Variants in ARPC2 observed in about 807,000 individuals in gnomAD.
The protein encoded by ARPC2 is actin-related protein 2/3 complex subunit 2.
Under a neutral mutation model 38.6 loss-of-function variants are expected in ARPC2, and 4 were observed. The observed-to-expected ratio is 0.10, with a 90% CI of 0.05 to 0.24. The LOEUF is 0.24. ARPC2 is among the 10% of genes least tolerant of loss of function. ARPC2 has a pLI of 1.00. For synonymous variants in ARPC2, 125 were observed against 140.8 expected (o/e 0.89, Z 0.79); for missense variants, 229 against 387.3 (o/e 0.59, Z 3.43).
chr2:218,238,925 C>G, intron 6 of ARPC2, 75 bp downstream of exon 6: 2 of 1,193,122 alleles, frequency 1.7e-6, no homozygotes, highest in Non-Finnish European at 2.4e-6. Context: ...AGAAATATGG[C>G]TTGGTCAAAC....
chr2:218,225,257 TC>T (rs1302762135), intron 2 of ARPC2, among the ~76,000 whole-genome samples: 1 of 152,232 alleles, frequency 6.6e-6, no homozygotes, highest in Non-Finnish European at 1.5e-5. Context: ...TCCTGACTAT[TC>T]TTAGTGATTT....
At chr2:218,226,730 A>C (rs1351102128) in intron 3 of ARPC2, among the ~76,000 whole-genome samples, 1 of 151,424 alleles carries the variant, frequency 6.6e-6, no homozygotes, top group Non-Finnish European at 1.5e-5. Context: ...TATTTAATCC[A>C]CTGATGACTG....
chr2:218,230,368 GC>G (rs1689606857), intron 4 of ARPC2, among the ~76,000 whole-genome samples: 1 of 121,374 alleles, frequency 8.2e-6, no homozygotes, highest in Non-Finnish European at 1.6e-5. Context: ...CACAGCCACT[GC>G]ACCCCTCAAC....
intron 10 of ARPC2, among the ~76,000 whole-genome samples, chr2:218,251,973 C>G (rs1276960530): frequency 6.6e-6 from 1 of 152,178 alleles, no homozygotes; most frequent in Non-Finnish European, 1.5e-5. Flanking sequence ...GTAATCCCAG[C>G]ACTTTGGGAG....
At position 218,219,308 on chromosome 2, in the gene ARPC2, G is replaced by A. The variant is rs377665128; in HGVS notation, c.74+1764G>A. The stretch of plus-strand genomic sequence containing the variant: ...AAAAAGAGAAGCTAACCATTTCGGA[G>A]GGATTAAATAGGCCCTCAAGTCTGG... On this transcript the variant is annotated intron_variant, in intron 2 of 10. Transcript: ENST00000315717. 5.9e-5 allele frequency among the ~76,000 whole-genome samples: 9 copies of A among 151,696 alleles called. No homozygotes were observed. In the East Asian group the frequency reaches 1.4e-3, roughly 23 times the overall value.
intron 4 of ARPC2, among the ~76,000 whole-genome samples, chr2:218,230,786 G>A (rs1689616739): frequency 6.6e-6 from 1 of 152,124 alleles, no homozygotes; most frequent in Admixed American, 6.5e-5. Flanking sequence ...AGGGGTTCAA[G>A]TGGGGAGAGT....
At position 218,253,911 on chromosome 2, in the gene ARPC2, G is replaced by A. The variant is rs1803064; in HGVS notation, c.899G>A (p.Arg300His). Reference sequence around the variant, plus strand: ...TGAAGGGGGAAGACGTTTTCATCCCGCTAATCTTGGGAATAAGAGGAGGAA... The same window carrying A: ...TGAAGGGGGAAGACGTTTTCATCCCACTAATCTTGGGAATAAGAGGAGGAA... ...KTITGKTFSS[R>H] Residue 300 changes from arginine (R) to histidine (H), a missense_variant, in exon 11 of 11, where the codon CGC (arginine) becomes CAC (histidine). Physicochemically the swap from Arg to His is conservative, Grantham distance 29. Coordinates refer to ENST00000315717, the MANE Select transcript of ARPC2 (RefSeq NM_152862.3). 3.1e-6 allele frequency: 5 copies of A among 1,613,856 alleles called. No homozygotes were observed. Among genetic ancestry groups the A allele is most frequent in the Admixed American group, 1.7e-5 (1 of 59,956 alleles).
chr2:218,247,132 A>G (rs775136349), intron 8 of ARPC2, among the ~76,000 whole-genome samples: 25 of 152,156 alleles, frequency 1.6e-4, no homozygotes, highest in Non-Finnish European at 2.8e-4. Flanking sequence ...CTCACCAAAA[A>G]AAGGAGTTAA....
chr2:218,219,325 C>T (rs979406879), intron 2 of ARPC2, among the ~76,000 whole-genome samples: 22 of 151,246 alleles, frequency 1.5e-4, no homozygotes, highest in African/African-American at 5.3e-4. Flanking sequence ...AATAGGCCCT[C>T]AAGTCTGGAA....
chr2:218,238,258 G>A (rs988340074), intron 5 of ARPC2, among the ~76,000 whole-genome samples: 13 of 152,162 alleles, frequency 8.5e-5, no homozygotes, highest in African/African-American at 2.9e-4. Context: ...AACTATCAGA[G>A]AAATATATGT....
intron 8 of ARPC2, among the ~76,000 whole-genome samples, chr2:218,248,376 G>A (rs1261289600): frequency 1.3e-5 from 2 of 152,226 alleles, no homozygotes; most frequent in Admixed American, 6.5e-5. Context: ...GTGAGTAGAG[G>A]AGGTGCAGCA....
intron 8 of ARPC2, 130 bp downstream of exon 8, chr2:218,245,676 G>A: frequency 2.4e-6 from 3 of 1,257,714 alleles, no homozygotes; most frequent in East Asian, 2.4e-5. Flanking sequence ...TGTTCCTGTT[G>A]CCATTGCAGT....
At chr2:218,249,631 C>G (rs1404238997) in intron 9 of ARPC2, 167 bp downstream of exon 9, 2 of 733,988 alleles carry the variant, frequency 2.7e-6, no homozygotes, top group African/African-American at 1.8e-5. Context: ...GCCACTGTCC[C>G]CCATCCCTCC....
chr2:218,234,185 G>T lies in ARPC2; in HGVS notation c.223-167G>T, dbSNP rs1447508438. 7.4e-6 allele frequency: 4 copies of T among 543,384 alleles called. No homozygotes were observed. The East Asian group carries it at 1.3e-4, about 17-fold the overall frequency. 33.7% of individuals were successfully genotyped at this position (543,384 alleles called of 1,614,324 possible). A position where few individuals can be genotyped will look rare whatever the true frequency, so the allele number is the denominator to read the frequency against. ...TCATCTCAGTTTTGTGACTTGTTTGGTGACTAAATCCACTTCCCCTCTGTC... is the reference window on the plus strand; with the variant it reads ...TCATCTCAGTTTTGTGACTTGTTTGTTGACTAAATCCACTTCCCCTCTGTC... On this transcript the variant is annotated intron_variant, in intron 4 of 10. Coordinates refer to ENST00000315717, the MANE Select transcript of ARPC2 (RefSeq NM_152862.3).
At chr2:218,220,123 A>C (rs1689350593) in intron 2 of ARPC2, among the ~76,000 whole-genome samples, 2 of 152,264 alleles carry the variant, frequency 1.3e-5, no homozygotes, top group African/African-American at 4.8e-5. Context: ...TAAGGGGTGA[A>C]AGGTGTTGGG....
chr2:218,238,438 T>G (rs1689825503), intron 5 of ARPC2, among the ~76,000 whole-genome samples: 2 of 152,202 alleles, frequency 1.3e-5, no homozygotes, highest in Non-Finnish European at 2.9e-5. Flanking sequence ...AGATTTTATT[T>G]CACCTCATTT....
At chr2:218,241,099 T>A (rs1689903508) in intron 7 of ARPC2, among the ~76,000 whole-genome samples, 3 of 152,204 alleles carry the variant, frequency 2.0e-5, no homozygotes, top group Admixed American at 2.0e-4. Context: ...GGTAAAATTT[T>A]TTGAAAACGT....
At chr2:218,226,939 T>G (rs1351208790) in intron 3 of ARPC2, 4 of 453,956 alleles carry the variant, frequency 8.8e-6, no homozygotes, top group African/African-American at 2.0e-5. Flanking sequence ...CAGAGAGAGA[T>G]GTTGCTGCTT....
At chr2:218,231,082 G>C (rs1689622926) in intron 4 of ARPC2, among the ~76,000 whole-genome samples, 1 of 152,026 alleles carries the variant, frequency 6.6e-6, no homozygotes. Context: ...TGGCTCCCTG[G>C]GTTGGTTAAA....
Sources: gnomAD v4.1 joint callset for allele counts (sites outside exome capture counted in the v4.1 genomes callset) on GRCh38, gnomAD v4.1.1 for gene constraint, MANE v1.5 for transcripts, NCBI Gene and HGNC (gene_info 2026-07-23, HGNC 2026-07-21) for gene names.